The following CNTN5 variants were observed in gnomAD, a reference collection of about 807,000 sequenced individuals.
CNTN5 encodes contactin 5, also known as contactin-5.
In CNTN5, 77 loss-of-function variants were observed where a neutral mutation model predicts 129.1. The ratio of observed to expected loss-of-function variants is 0.60; its 90% CI spans 0.50 to 0.72. The LOEUF is 0.72. CNTN5 is among the 30% of genes least tolerant of loss of function. The probability of loss-of-function intolerance (pLI) is 0.00; values close to 1 mark genes in which losing one functional copy is unlikely to be tolerated. For missense variants in CNTN5, 1,478 were observed against 1,328.8 expected, an observed-to-expected ratio of 1.11 and a Z score of -1.75; for synonymous variants, 509 against 465.6, an observed-to-expected ratio of 1.09 and a Z score of -1.20.
chr11:100,039,949 G>A (rs965433166), intron 9 of CNTN5, among the ~76,000 whole-genome samples: 1 of 152,122 alleles, frequency 6.6e-6, no homozygotes, highest in South Asian at 2.1e-4. Context: ...TTGATTGTCT[G>A]AAGCCGTCTT....
At chr11:99,769,299 A>T (rs1944864217) in intron 3 of CNTN5, among the ~76,000 whole-genome samples, 1 of 152,094 alleles carries the variant, frequency 6.6e-6, no homozygotes, top group African/African-American at 2.4e-5. Flanking sequence ...TTCTTTAAGG[A>T]TTCCTAGTTT....
intron 21 of CNTN5, among the ~76,000 whole-genome samples, chr11:100,319,788 G>A: frequency 6.6e-6 from 1 of 152,132 alleles, no homozygotes; most frequent in Non-Finnish European, 1.5e-5. Context: ...CCACATATGG[G>A]TAAGACCATG....
intron 7 of CNTN5, among the ~76,000 whole-genome samples, chr11:99,943,142 A>G (rs1221154736): frequency 6.6e-6 from 1 of 152,128 alleles, no homozygotes; most frequent in Non-Finnish European, 1.5e-5. Context: ...ACTAATTTAC[A>G]TTCCCTCCAG....
chr11:99,287,734 A>G (rs1357112459), intron 1 of CNTN5, among the ~76,000 whole-genome samples: 2 of 152,054 alleles, frequency 1.3e-5, no homozygotes, highest in Non-Finnish European at 2.9e-5. Flanking sequence ...TAACTCTACA[A>G]TAGTATATAA....
intron 9 of CNTN5, among the ~76,000 whole-genome samples, chr11:100,045,164 C>T (rs1329039833): frequency 6.6e-6 from 1 of 151,228 alleles, no homozygotes; most frequent in Non-Finnish European, 1.5e-5. Context: ...GGTGATTGTA[C>T]AAGAAGATGT....
chr11:99,365,382 A>G (rs1939381832), intron 2 of CNTN5, among the ~76,000 whole-genome samples: 1 of 152,208 alleles, frequency 6.6e-6, no homozygotes, highest in South Asian at 2.1e-4. Flanking sequence ...ACTTTTAGAA[A>G]GTGGTATAGC....
chr11:99,068,704 A>G (rs1005556452), intron 1 of CNTN5, among the ~76,000 whole-genome samples: 6 of 152,192 alleles, frequency 3.9e-5, no homozygotes, highest in Non-Finnish European at 8.8e-5. Flanking sequence ...CTCACTTTGA[A>G]TGTAGTAAAT....
chr11:99,373,256 C>T (rs1047562254), intron 2 of CNTN5, among the ~76,000 whole-genome samples: 2 of 152,022 alleles, frequency 1.3e-5, no homozygotes, highest in African/African-American at 2.4e-5. Context: ...AAAAGCCTAA[C>T]AAATAGAGTA....
At chr11:99,322,363 G>T (rs945421417) in intron 1 of CNTN5, among the ~76,000 whole-genome samples, 1 of 152,028 alleles carries the variant, frequency 6.6e-6, no homozygotes, top group Non-Finnish European at 1.5e-5. Context: ...ATTTAATAAG[G>T]TAATTTGTAG....
At chr11:100,084,329 T>C (rs1249873271) in intron 13 of CNTN5, among the ~76,000 whole-genome samples, 1 of 152,118 alleles carries the variant, frequency 6.6e-6, no homozygotes, top group Non-Finnish European at 1.5e-5. Flanking sequence ...CCTAACTGAT[T>C]CGACTACCTC....
intron 2 of CNTN5, among the ~76,000 whole-genome samples, chr11:99,378,403 G>C (rs1455013548): frequency 6.6e-6 from 1 of 151,966 alleles, no homozygotes; most frequent in African/African-American, 2.4e-5. Flanking sequence ...CTCTGCATTA[G>C]GCTATTTTCC....
In CNTN5 at chr11:99,644,302, A is replaced by G. The variant is rs1951872237; in HGVS notation, c.55+88033A>G. On this transcript the variant is annotated intron_variant, in intron 3 of 24. Transcript: ENST00000524871. ...ACTTTGAACACATATGTGAAGAAGG[A>G]AAACTGCTACCTCACAATTGGCAAG... 2.0e-5 allele frequency among the ~76,000 whole-genome samples: 3 copies of G among 152,318 alleles called. 1 individual carries two copies. The South Asian group carries it at 6.2e-4, about 32-fold the overall frequency.
At chr11:100,163,855 C>CCAGA (rs1483635572) in intron 13 of CNTN5, among the ~76,000 whole-genome samples, 1 of 151,820 alleles carries the variant, frequency 6.6e-6, no homozygotes, top group Non-Finnish European at 1.5e-5. Flanking sequence ...CTCCTATGTA[C>CCAGA]CAGACACTTT....
chr11:99,352,062 A>G (rs1275965154), intron 2 of CNTN5, among the ~76,000 whole-genome samples: 2 of 152,242 alleles, frequency 1.3e-5, no homozygotes, highest in Non-Finnish European at 1.5e-5. Context: ...TACAACACAG[A>G]TTAAGACAGT....
chr11:99,095,847 A>T (rs1029316018), intron 1 of CNTN5, among the ~76,000 whole-genome samples: 6 of 152,078 alleles, frequency 3.9e-5, no homozygotes, highest in Non-Finnish European at 7.4e-5. Flanking sequence ...AGAACAAGAT[A>T]ACTTACATTG....
chr11:99,621,257 A>C (rs1950940750), intron 3 of CNTN5, among the ~76,000 whole-genome samples: 1 of 152,192 alleles, frequency 6.6e-6, no homozygotes, highest in Non-Finnish European at 1.5e-5. Flanking sequence ...CAGAGCAGAA[A>C]TGAGAAAAGC....
chr11:99,303,312 A>G (rs1420017203), intron 1 of CNTN5, among the ~76,000 whole-genome samples: 2 of 151,860 alleles, frequency 1.3e-5, no homozygotes, highest in Non-Finnish European at 2.9e-5. Flanking sequence ...TTAACTCACT[A>G]TTTAAAAAAT....
chr11:100,302,389 G>T (rs189393664), intron 20 of CNTN5, among the ~76,000 whole-genome samples: 6 of 151,660 alleles, frequency 4.0e-5, no homozygotes, highest in Non-Finnish European at 8.9e-5. Flanking sequence ...GAGCGAAATT[G>T]TATTTCTCCA....
At chr11:99,413,560 A>G (rs1464517194) in intron 2 of CNTN5, among the ~76,000 whole-genome samples, 1 of 152,184 alleles carries the variant, frequency 6.6e-6, no homozygotes, top group African/African-American at 2.4e-5. Flanking sequence ...CAGAGGTTGC[A>G]GTGAGCTGAG....
Sources: gnomAD v4.1 joint callset for allele counts (sites outside exome capture counted in the v4.1 genomes callset) on GRCh38, gnomAD v4.1.1 for gene constraint, MANE v1.5 for transcripts, NCBI Gene and HGNC (gene_info 2026-07-23, HGNC 2026-07-21) for gene names.